Variants in INTS3 observed in about 807,000 individuals in gnomAD.
INTS3 encodes the protein SOSS complex subunit A.
Under a neutral mutation model 146.3 loss-of-function variants are expected in INTS3, and 34 were observed. The ratio of observed to expected loss-of-function variants is 0.23; its 90% CI spans 0.18 to 0.31. The LOEUF (loss-of-function observed/expected upper bound fraction) is 0.31. Among genes scored for constraint, INTS3 ranks in the 10% least tolerant of loss-of-function variants. The pLI is 1.00. For missense variants in INTS3, 757 were observed against 1,304.2 expected (o/e 0.58, Z 6.46); for synonymous variants, 475 against 494.9 (o/e 0.96, Z 0.53).
intron 21 of INTS3, 106 bp downstream of exon 21, chr1:153,767,933 A>G: frequency 8.5e-7 from 1 of 1,176,524 alleles, no homozygotes; most frequent in South Asian, 1.8e-5. Context: ...ATCCCCACTA[A>G]CCTAGGTGGG....
intron 13 of INTS3, 136 bp from the exon 14 acceptor site, chr1:153,761,434 C>T (rs964547712): frequency 3.2e-5 from 20 of 624,696 alleles, no homozygotes; most frequent in African/African-American, 1.8e-4. Context: ...CGCTTGAATC[C>T]GGGAGGTGGA....
chr1:153,731,132 C>T (rs953201024), intron 1 of INTS3, among the ~76,000 whole-genome samples: 6 of 151,956 alleles, frequency 3.9e-5, no homozygotes, highest in African/African-American at 9.7e-5. Flanking sequence ...GTCTGCCTTT[C>T]GAAGCTTATC....
intron 8 of INTS3, among the ~76,000 whole-genome samples, chr1:153,753,107 A>G (rs901914552): frequency 2.0e-5 from 3 of 152,112 alleles, no homozygotes; most frequent in Non-Finnish European, 4.4e-5. Flanking sequence ...CTGGGAAGTC[A>G]GGAAAGAAGA....
chr1:153,759,774 G>A, intron 11 of INTS3, 161 bp downstream of exon 11: 1 of 616,522 alleles, frequency 1.6e-6, no homozygotes, highest in East Asian at 2.7e-5. Flanking sequence ...GACCTAGAAA[G>A]AGAATTGCTT....
intron 25 of INTS3, among the ~76,000 whole-genome samples, chr1:153,771,131 C>G (rs953364968): frequency 5.9e-5 from 9 of 152,170 alleles, no homozygotes; most frequent in Non-Finnish European, 7.4e-5. Context: ...CATCCTCTCC[C>G]TCACCCTGTG....
intron 11 of INTS3, 144 bp from the exon 12 acceptor site, chr1:153,760,167 G>C (rs1165017226): frequency 1.6e-6 from 1 of 614,286 alleles, no homozygotes; most frequent in African/African-American, 1.9e-5. Context: ...GGGAGGCAGA[G>C]GCTTCAGTGA....
chr1:153,731,345 G>T (rs186654828), intron 1 of INTS3, among the ~76,000 whole-genome samples: 4 of 152,184 alleles, frequency 2.6e-5, no homozygotes, highest in Admixed American at 1.3e-4. Context: ...GGAACATTTG[G>T]TATATCCTTT....
chr1:153,749,934 C>T (rs1161746312), intron 6 of INTS3, among the ~76,000 whole-genome samples: 5 of 152,214 alleles, frequency 3.3e-5, no homozygotes, highest in Non-Finnish European at 2.9e-5. Flanking sequence ...GTTTTCTACC[C>T]TCCAAAAAAC....
chr1:153,739,545 G>C (rs1038276636), intron 1 of INTS3, among the ~76,000 whole-genome samples: 1 of 149,112 alleles, frequency 6.7e-6, no homozygotes, highest in Admixed American at 6.8e-5. Flanking sequence ...TGTTCGTCAG[G>C]CTGGTCTCGA....
chr1:153,763,933 TA>T, intron 17 of INTS3, 47 bp downstream of exon 17: 1 of 1,556,676 alleles, frequency 6.4e-7, no homozygotes, highest in Non-Finnish European at 8.9e-7. Context: ...CTAGCCTGCT[TA>T]GCTTACACGT....
rs921389736 is a variant in INTS3 at position 153,763,955 on chromosome 1, A to G, written c.1821+69A>G. 3 of 1,483,758 alleles carry G rather than the reference A, an allele frequency of 2.0e-6. No individual in the cohort carries two copies. In the African/African-American group the frequency reaches 4.1e-5, roughly 21 times the overall value. The allele number at this position is 1,483,758 out of a possible 1,614,324, so 91.9% of individuals were successfully genotyped here. A position where few individuals can be genotyped will look rare whatever the true frequency, so the allele number is the denominator to read the frequency against. On this transcript the variant is annotated intron_variant, in intron 17 of 29. Transcript: ENST00000318967. The stretch of plus-strand genomic sequence containing the variant: ...GCTTAGCTTACACGTCTCCCAGGGA[A>G]GACAACTCACTTTTTCCCTCCCCTA...
At chr1:153,761,397 C>T in intron 13 of INTS3, 173 bp from the exon 14 acceptor site, 1 of 586,512 alleles carries the variant, frequency 1.7e-6, no homozygotes, top group Non-Finnish European at 3.0e-6. Context: ...GTAATCCTAG[C>T]TACTTGAGAG....
Position 153,728,621 on chromosome 1 carries a change from T to C in INTS3, c.-14T>C, listed in dbSNP as rs754420919. The C allele has an allele frequency of 2.5e-6, 4 of 1,596,386 alleles. No individual in the cohort carries two copies. Among genetic ancestry groups the C allele is most frequent in the Non-Finnish European group, 3.4e-6 (4 of 1,174,280 alleles). On this transcript the variant is annotated 5_prime_UTR_variant, in exon 1 of 30. Transcript: ENST00000318967. Reference sequence around the variant, plus strand: ...ATCCACTCCCTGACCTTTTCCCGGCTCCTGGCTGCAGCCATGGAGTTGCAG... The same window carrying C: ...ATCCACTCCCTGACCTTTTCCCGGCCCCTGGCTGCAGCCATGGAGTTGCAG...
At chr1:153,730,991 T>C (rs572622263) in intron 1 of INTS3, among the ~76,000 whole-genome samples, 40 of 152,092 alleles carry the variant, frequency 2.6e-4, no homozygotes, top group Non-Finnish European at 4.4e-4. Flanking sequence ...GACTGACCTC[T>C]GCTTGTTCTG....
chr1:153,771,929 A>C lies in INTS3; in HGVS notation c.2686A>C (p.Ile896Leu). The change falls in exon 26 of 30, where the codon ATC (isoleucine) becomes CTC (leucine). Residue 896 changes from isoleucine to leucine, a missense_variant. Physicochemically the swap from Ile to Leu is conservative, Grantham distance 5. Around this residue, in one of 8 missense-constraint regions of INTS3, gnomAD observed 116 missense variants for 226.5 expected, o/e 0.51. Transcript: ENST00000318967. The stretch of plus-strand genomic sequence containing the variant: ...GGCCGAGCACATCAAGTCCCTGCTC[A>C]TCAAGAACAACAGCCTGCCTCGCAA... ...LLAEHIKSLLIKNNSLPRKRQ... is the reference protein window; with the variant it reads ...LLAEHIKSLLLKNNSLPRKRQ... The C allele has an allele frequency of 6.2e-7, 1 of 1,613,944 alleles. No individual in the cohort carries two copies. The highest frequency in any genetic ancestry group is 8.5e-7 in the Non-Finnish European group (1 of 1,179,952).
chr1:153,730,605 G>C (rs796423922), intron 1 of INTS3, among the ~76,000 whole-genome samples: 5 of 152,250 alleles, frequency 3.3e-5, no homozygotes, highest in African/African-American at 1.2e-4. Flanking sequence ...GAGCAGTGAC[G>C]TGTTTGCTAC....
Position 153,728,095 on chromosome 1 carries a change from G to A in INTS3, c.-540G>A, listed in dbSNP as rs1188929154. On this transcript the variant is annotated 5_prime_UTR_variant, in exon 1 of 30. The change creates a new upstream start codon in the 5' untranslated region. Transcript: ENST00000318967. Reference sequence around the variant, plus strand: ...TCCACTATGGCCGCTTCTGTGTGGTGTGGGGAGACGCTGGTCCTCCCCGTC... The same window carrying A: ...TCCACTATGGCCGCTTCTGTGTGGTATGGGGAGACGCTGGTCCTCCCCGTC... The A allele has an allele frequency of 2.1e-5, 8 of 388,830 alleles. No individual in the cohort carries two copies. Among genetic ancestry groups the A allele is most frequent in the Non-Finnish European group, 3.1e-5 (7 of 224,652 alleles). The allele number at this position is 388,830 out of a possible 1,614,324, so 24.1% of individuals were successfully genotyped here. A position where few individuals can be genotyped will look rare whatever the true frequency, so the allele number is the denominator to read the frequency against.
chr1:153,764,876 G>A, intron 19 of INTS3, 68 bp from the exon 20 acceptor site: 1 of 1,603,814 alleles, frequency 6.2e-7, no homozygotes, highest in South Asian at 1.1e-5. Flanking sequence ...CATGCCACCT[G>A]AGAAACTCCA....
At chr1:153,747,244 C>T (rs1426406388) in intron 4 of INTS3, 35 bp from the exon 5 acceptor site, 8 of 1,576,870 alleles carry the variant, frequency 5.1e-6, no homozygotes, top group Non-Finnish European at 7.0e-6. Flanking sequence ...ACTCACAGTT[C>T]CTGCTCTTCA....
Sources: gnomAD v4.1 joint callset for allele counts (sites outside exome capture counted in the v4.1 genomes callset) on GRCh38, gnomAD v4.1.1 for gene constraint, gnomAD v4.1.1 regional missense constraint, MANE v1.5 for transcripts, NCBI Gene and HGNC (gene_info 2026-07-23, HGNC 2026-07-21) for gene names.